The following KALRN variants were observed in gnomAD, a reference collection of about 807,000 sequenced individuals.
KALRN encodes kalirin RhoGEF kinase.
In KALRN, 70 loss-of-function variants were observed where a neutral mutation model predicts 353.7. The observed-to-expected ratio is 0.20, with a 90% CI of 0.16 to 0.24. The LOEUF (loss-of-function observed/expected upper bound fraction) is 0.24. Ranked by LOEUF, KALRN falls within the 10% of genes least tolerant of loss-of-function variation. The pLI is 1.00. For missense variants in KALRN, 2,791 were observed against 3,756.7 expected (o/e 0.74, Z 6.72); for synonymous variants, 1,391 against 1,434.8 (o/e 0.97, Z 0.69).
At chr3:124,612,011 T>C (rs2078033871) in intron 34 of KALRN, among the ~76,000 whole-genome samples, 1 of 152,122 alleles carries the variant, frequency 6.6e-6, no homozygotes, top group Non-Finnish European at 1.5e-5. Flanking sequence ...CTCTAGCCCA[T>C]TAGTCAGTGT....
Position 124,697,298 on chromosome 3 carries a change from C to T in KALRN, c.7700-295C>T, listed in dbSNP as rs544170396. On this transcript the variant is annotated intron_variant, in intron 54 of 59. Coordinates refer to ENST00000682506, the MANE Select transcript of KALRN (RefSeq NM_001388419.1). The stretch of plus-strand genomic sequence containing the variant: ...AAAGTTCTGGCAAATGAGACGAGAA[C>T]GAATCTTTGCTAAGAGCTGTCTGTG... 7.9e-5 allele frequency among the ~76,000 whole-genome samples: 12 copies of T among 152,174 alleles called. 1 individual carries two copies. Among genetic ancestry groups the T allele is most frequent in the Non-Finnish European group, 1.6e-4 (11 of 68,032 alleles).
chr3:124,173,647 C>T (rs749059150), intron 1 of KALRN, among the ~76,000 whole-genome samples: 50 of 152,116 alleles, frequency 3.3e-4, no homozygotes, highest in Non-Finnish European at 5.6e-4. Context: ...GACAGAGTCT[C>T]GCTCTGTCAC....
chr3:124,068,817 G>A (rs2149255647), intron 1 of KALRN, among the ~76,000 whole-genome samples: 1 of 152,338 alleles, frequency 6.6e-6, no homozygotes, highest in East Asian at 1.9e-4. Context: ...AGTTGTGGAG[G>A]GGTAAAGAAG....
chr3:124,128,627 G>T (rs1331808588), intron 1 of KALRN, among the ~76,000 whole-genome samples: 1 of 152,158 alleles, frequency 6.6e-6, no homozygotes, highest in African/African-American at 2.4e-5. Context: ...AAGTAGAGAA[G>T]TAGAAGGTCT....
intron 12 of KALRN, among the ~76,000 whole-genome samples, chr3:124,398,058 C>T (rs550916786): frequency 6.6e-6 from 1 of 152,324 alleles, no homozygotes; most frequent in South Asian, 2.1e-4. Context: ...CCCAGGGCCA[C>T]CAGCCTAAAT....
At chr3:124,311,172 A>C in intron 6 of KALRN, among the ~76,000 whole-genome samples, 1 of 148,846 alleles carries the variant, frequency 6.7e-6, no homozygotes, top group East Asian at 2.0e-4. Flanking sequence ...TATAATCAAA[A>C]ACTCTGGACA....
At chr3:124,265,835 G>C (rs2073460912) in intron 4 of KALRN, among the ~76,000 whole-genome samples, 1 of 152,164 alleles carries the variant, frequency 6.6e-6, no homozygotes, top group Non-Finnish European at 1.5e-5. Flanking sequence ...TACTGGCTGG[G>C]CGTGGTGATT....
At chr3:124,508,009 A>G (rs2065426451) in intron 33 of KALRN, among the ~76,000 whole-genome samples, 1 of 152,158 alleles carries the variant, frequency 6.6e-6, no homozygotes, top group South Asian at 2.1e-4. Flanking sequence ...TTTAATTGAA[A>G]TGTACAGTAT....
At chr3:124,220,423 T>C (rs2077765657) in intron 1 of KALRN, among the ~76,000 whole-genome samples, 1 of 152,094 alleles carries the variant, frequency 6.6e-6, no homozygotes, top group Admixed American at 6.6e-5. Flanking sequence ...TGTGTATCTT[T>C]CTCTCTAGCT....
At chr3:124,431,830 C>G (rs780128465) in intron 16 of KALRN, among the ~76,000 whole-genome samples, 1 of 152,150 alleles carries the variant, frequency 6.6e-6, no homozygotes, top group Non-Finnish European at 1.5e-5. Flanking sequence ...TGATTGCAAC[C>G]ATTTAATTTC....
At chr3:124,633,381 G>A (rs2080992051) in intron 35 of KALRN, among the ~76,000 whole-genome samples, 1 of 152,150 alleles carries the variant, frequency 6.6e-6, no homozygotes, top group African/African-American at 2.4e-5. Flanking sequence ...TGTTTTATTT[G>A]GCACACAATC....
At chr3:124,568,828 G>A (rs984360661) in intron 34 of KALRN, among the ~76,000 whole-genome samples, 2 of 152,182 alleles carry the variant, frequency 1.3e-5, no homozygotes, top group African/African-American at 2.4e-5. Flanking sequence ...GATTGCCAGG[G>A]GCTGGAGGGA....
At chr3:124,533,658 A>G (rs560269989) in intron 33 of KALRN, among the ~76,000 whole-genome samples, 1 of 152,282 alleles carries the variant, frequency 6.6e-6, no homozygotes, top group Non-Finnish European at 1.5e-5. Context: ...CAAAAAAACC[A>G]AAAACAAATA....
intron 9 of KALRN, among the ~76,000 whole-genome samples, chr3:124,337,382 TC>T (rs375459915): frequency 2.2e-3 from 330 of 152,356 alleles, no homozygotes; most frequent in African/African-American, 7.7e-3. Context: ...AAAGGCCTTT[TC>T]TGCCTCTATT....
chr3:124,300,831 A>G (rs2077208553), intron 6 of KALRN, among the ~76,000 whole-genome samples: 1 of 152,248 alleles, frequency 6.6e-6, no homozygotes. Context: ...GCCACAACAC[A>G]GTCTTGTGTC....
intron 3 of KALRN, among the ~76,000 whole-genome samples, chr3:124,242,925 G>T (rs2080668703): frequency 6.6e-6 from 1 of 152,148 alleles, no homozygotes. Context: ...ATTATACCAA[G>T]AGATGTAGGG....
intron 11 of KALRN, among the ~76,000 whole-genome samples, chr3:124,392,102 T>G (rs973901648): frequency 3.3e-5 from 5 of 151,886 alleles, no homozygotes; most frequent in Non-Finnish European, 5.9e-5. Flanking sequence ...CCAGGTGGAG[T>G]GCAGTGGCAC....
chr3:124,670,613 T>G (rs2150360308), intron 47 of KALRN, among the ~76,000 whole-genome samples: 1 of 152,300 alleles, frequency 6.6e-6, no homozygotes, highest in South Asian at 2.1e-4. Flanking sequence ...CCTATCACAG[T>G]AGAAATATCC....
intron 33 of KALRN, among the ~76,000 whole-genome samples, chr3:124,559,097 A>C (rs1199617772): frequency 6.6e-6 from 1 of 152,250 alleles, no homozygotes; most frequent in Non-Finnish European, 1.5e-5. Context: ...ATGGAGTTAC[A>C]AAGAGTGGTT....
Sources: gnomAD v4.1 joint callset for allele counts (sites outside exome capture counted in the v4.1 genomes callset) on GRCh38, gnomAD v4.1.1 for gene constraint, MANE v1.5 for transcripts, NCBI Gene and HGNC (gene_info 2026-07-23, HGNC 2026-07-21) for gene names.